Variants in SLC12A5 observed in about 807,000 individuals in gnomAD.
The protein encoded by SLC12A5 is solute carrier family 12 member 5.
SLC12A5 carries 18 observed loss-of-function variants against 124.0 expected under a neutral mutation model. The observed-to-expected ratio is 0.15, with a 90% confidence interval of 0.10 to 0.22. The LOEUF (loss-of-function observed/expected upper bound fraction) is 0.22. SLC12A5 is among the 10% of genes least tolerant of loss of function. The pLI, the probability that SLC12A5 is intolerant of heterozygous loss-of-function variation, is 1.00. For missense variants in SLC12A5, 867 were observed against 1,478.7 expected (o/e 0.59, Z 6.78); for synonymous variants, 589 against 568.0 (o/e 1.04, Z -0.53).
chr20:46,047,210 T>C (rs1300490381), intron 14 of SLC12A5, among the ~76,000 whole-genome samples: 2 of 151,984 alleles, frequency 1.3e-5, no homozygotes, highest in Non-Finnish European at 1.5e-5. Context: ...AGGGACAGGG[T>C]GGTGTGGGGT....
intron 20 of SLC12A5, 71 bp from the exon 21 acceptor site, chr20:46,054,844 TG>T: frequency 9.0e-7 from 1 of 1,113,650 alleles, no homozygotes; most frequent in Non-Finnish European, 1.4e-6. Flanking sequence ...GCCTTTCACC[TG>T]GGCTCAGACC....
At position 46,057,772 on chromosome 20, in the gene SLC12A5, G is replaced by A; in HGVS notation, c.*167G>A. The A allele has an allele frequency of 1.7e-6, 1 of 589,462 alleles. No homozygotes were observed. The highest frequency in any genetic ancestry group is 3.1e-5 in the East Asian group (1 of 32,558). The allele number at this position is 589,462 out of a possible 1,614,324, so 36.5% of individuals were successfully genotyped here. A position where few individuals can be genotyped will look rare whatever the true frequency, so the allele number is the denominator to read the frequency against. The stretch of plus-strand genomic sequence containing the variant: ...GGCCACGCCTGTTGGGGCTGATTCG[G>A]AGAGGGCGCCCCGCCGCGCAGAGAC... On this transcript the variant is annotated 3_prime_UTR_variant, in exon 26 of 26. Coordinates refer to ENST00000243964, the MANE Select transcript of SLC12A5 (RefSeq NM_020708.5). This position sits in a 1 kb window ranked among gnomAD's most constrained non-coding sequence, Gnocchi z 7.1.
chr20:46,046,008 A>T lies in SLC12A5; in HGVS notation c.1688+12A>T. On this transcript the variant is annotated intron_variant, in intron 13 of 25. Coordinates refer to ENST00000243964, the MANE Select transcript of SLC12A5 (RefSeq NM_020708.5). Reference sequence around the variant, plus strand: ...CCCATCCTCTCTATGTGCGTGCCTGACTTCTTGCCCTCCCCCCTGGTTCAG... The same window carrying T: ...CCCATCCTCTCTATGTGCGTGCCTGTCTTCTTGCCCTCCCCCCTGGTTCAG... 1 of 1,609,402 alleles carries T rather than the reference A, an allele frequency of 6.2e-7. No individual in the cohort carries two copies. Among genetic ancestry groups the T allele is most frequent in the Non-Finnish European group, 8.5e-7 (1 of 1,175,938 alleles).
chr20:46,031,892 A>T (rs1703746709), intron 1 of SLC12A5, among the ~76,000 whole-genome samples: 1 of 152,126 alleles, frequency 6.6e-6, no homozygotes, highest in Non-Finnish European at 1.5e-5. Context: ...AATCAGGGCG[A>T]GTTTCCCCTT....
upstream of SLC12A5, among the ~76,000 whole-genome samples, chr20:46,027,176 C>T (rs1377637856): frequency 6.6e-6 from 1 of 152,174 alleles, no homozygotes; most frequent in Admixed American, 6.5e-5. Context: ...TTCTTTTAAC[C>T]TCTGTCACCA....
chr20:46,023,669 T>C (rs930754062), downstream of SLC12A5: 3 of 387,954 alleles, frequency 7.7e-6, no homozygotes, highest in South Asian at 4.3e-4. Context: ...CTCCTATTCG[T>C]TCTGTAAGTT....
Position 46,031,795 on chromosome 20 carries a change from G to A in SLC12A5, c.52+2399G>A, listed in dbSNP as rs75053191. On this transcript the variant is annotated intron_variant, in intron 1 of 25. Coordinates refer to ENST00000243964, the MANE Select transcript of SLC12A5 (RefSeq NM_020708.5). ...TGAGAGCTCCCAGGGGGCGGGGGCG[G>A]GGAGGGCTCAGCCTCAGTCTGGCCC... Among the ~76,000 whole-genome samples the A allele has an allele frequency of 6.9e-3, 1,050 of 152,288 alleles. 7 individuals carry two copies. The highest frequency in any genetic ancestry group is 0.01 in the Non-Finnish European group (705 of 68,002).
intron 18 of SLC12A5, 88 bp from the exon 19 acceptor site, chr20:46,052,869 C>A (rs2084657776): frequency 7.0e-7 from 1 of 1,433,402 alleles, no homozygotes; most frequent in African/African-American, 1.4e-5. Flanking sequence ...GGAGTGCTGG[C>A]TGCCAGGAGC....
In SLC12A5 at chr20:46,053,707, A is replaced by T. The variant is rs773469879; in HGVS notation, c.2677A>T (p.Met893Leu). 1 of 1,588,166 alleles carries T rather than the reference A, an allele frequency of 6.3e-7. No individual in the cohort carries two copies. Among genetic ancestry groups the T allele is most frequent in the Non-Finnish European group, 8.6e-7 (1 of 1,163,772 alleles). ...RITAEVEVVE[M>L]HESDISAYTY... ...CACTGCGGAGGTCGAGGTGGTGGAG[A>T]TGGTGAGTCCCCAGGAGACACCGCT... Residue 893 changes from methionine (M) to leucine (L), a missense_variant and splice_region_variant, in exon 20 of 26, where the codon ATG (methionine) becomes TTG (leucine). Coordinates refer to ENST00000243964, the MANE Select transcript of SLC12A5 (RefSeq NM_020708.5). This position sits in a 1 kb window ranked among gnomAD's most constrained non-coding sequence, Gnocchi z 4.7.
chr20:46,044,373 C>T (rs1279430892), intron 11 of SLC12A5, among the ~76,000 whole-genome samples: 1 of 152,066 alleles, frequency 6.6e-6, no homozygotes, highest in Non-Finnish European at 1.5e-5. Flanking sequence ...TAGGGGTGGC[C>T]ATACAGGAAA....
chr20:46,029,404 G>C lies in SLC12A5; in HGVS notation c.52+8G>C. 3.9e-6 allele frequency: 6 copies of C among 1,549,012 alleles called. No individual in the cohort carries two copies. The highest frequency in any genetic ancestry group is 2.5e-5 in the East Asian group (1 of 40,734). On this transcript the variant is annotated splice_region_variant and intron_variant, in intron 1 of 25. Transcript: ENST00000243964. ...ATGGGGGAGCCAACCCGGGTAAGCTGTGGTCCGGGGGCGGCGGGGGAGGGG... is the reference window on the plus strand; with the variant it reads ...ATGGGGGAGCCAACCCGGGTAAGCTCTGGTCCGGGGGCGGCGGGGGAGGGG...
rs1436442040 is a variant in SLC12A5, at chr20:46,046,395, G to A, written c.1746G>A (p.Leu582=). Residue 582 remains leucine, a synonymous_variant, in exon 14 of 26, where the codon CTG becomes CTA. Transcript: ENST00000243964. ...VNLACAVQTL[L]RTPNWRPRFR... is the part of the protein sequence containing the mutation. Reference sequence around the variant, plus strand: ...TGGCCTGTGCAGTGCAGACGCTGCTGAGGACACCCAACTGGAGGCCACGCT... The same window carrying A: ...TGGCCTGTGCAGTGCAGACGCTGCTAAGGACACCCAACTGGAGGCCACGCT... 1 of 1,614,194 alleles carries A rather than the reference G, an allele frequency of 6.2e-7. No individual in the cohort carries two copies.
At position 46,052,939 on chromosome 20, in the gene SLC12A5, C is replaced by A. The variant is rs199747973; in HGVS notation, c.2378-18C>A. On this transcript the variant is annotated intron_variant, in intron 18 of 25. Coordinates refer to ENST00000243964, the MANE Select transcript of SLC12A5 (RefSeq NM_020708.5). ...AGTCACTGTTTCCCCCTCTGGCCCTCTCCTTGGCCTCCCTCAGAGCTGGTC... is the reference window on the plus strand; with the variant it reads ...AGTCACTGTTTCCCCCTCTGGCCCTATCCTTGGCCTCCCTCAGAGCTGGTC... 6.1e-5 allele frequency: 98 copies of A among 1,597,832 alleles called. 1 individual carries two copies. In the African/African-American group the frequency reaches 1.2e-3, roughly 20 times the overall value.
chr20:46,039,523 C>T (rs901554228), intron 6 of SLC12A5, among the ~76,000 whole-genome samples: 4 of 152,090 alleles, frequency 2.6e-5, no homozygotes, highest in Admixed American at 6.5e-5. Flanking sequence ...GCCTGTAATC[C>T]CAGAACTTTG....
exon 2 of SLC12A5, chr20:46,023,023 G>A: frequency 2.5e-6 from 1 of 404,152 alleles, no homozygotes; most frequent in Non-Finnish European, 4.3e-6. Flanking sequence ...GGAGGAGAAG[G>A]AGGAGGAGAA....
At position 46,053,048 on chromosome 20, in the gene SLC12A5, G is replaced by A. The variant is rs1165544278; in HGVS notation, c.2469G>A (p.Glu823=). 1 of 1,614,200 alleles carries A rather than the reference G, an allele frequency of 6.2e-7. No individual in the cohort carries two copies. Among genetic ancestry groups the A allele is most frequent in the East Asian group, 2.2e-5 (1 of 44,872 alleles). The part of the protein sequence containing the change: ...MFPGNPERFS[E]GSIDVWWIVH... The stretch of plus-strand genomic sequence containing the variant: ...CTGGGAACCCTGAGCGCTTCTCTGA[G>A]GGCAGCATCGACGTTTGGTGGATTG... Residue 823 remains glutamate, a synonymous_variant, in exon 19 of 26, where the codon GAG becomes GAA. Coordinates refer to ENST00000243964, the MANE Select transcript of SLC12A5 (RefSeq NM_020708.5). This position sits in a 1 kb window ranked among gnomAD's most constrained non-coding sequence, Gnocchi z 4.7.
In SLC12A5 at chr20:46,052,965, C is replaced by T. The variant is rs773936706; in HGVS notation, c.2386C>T (p.Arg796Trp). The T allele has an allele frequency of 5.6e-6, 9 of 1,610,644 alleles. No individual in the cohort carries two copies. The highest frequency in any genetic ancestry group is 2.2e-5 in the East Asian group (1 of 44,744). Residue 796 changes from arginine (R) to tryptophan (W), a missense_variant, in exon 19 of 26, where the codon CGG becomes TGG. Arg to Trp is a moderately radical substitution (Grantham distance 101). Coordinates refer to ENST00000243964, the MANE Select transcript of SLC12A5 (RefSeq NM_020708.5). ...QTWRNFIELV[R>W]ETTAGHLALL... ...TCCTTGGCCTCCCTCAGAGCTGGTC[C>T]GGGAAACCACAGCTGGCCACTTAGC...
chr20:46,036,144 A>G, intron 4 of SLC12A5: 2 of 495,708 alleles, frequency 4.0e-6, no homozygotes, highest in East Asian at 3.1e-5. Context: ...TCTGTGTGTA[A>G]TTACACAAGT....
At chr20:46,033,355 T>A (rs563408944) in intron 1 of SLC12A5, among the ~76,000 whole-genome samples, 6 of 152,186 alleles carry the variant, frequency 3.9e-5, no homozygotes, top group African/African-American at 1.4e-4. Flanking sequence ...TGTCAACTGC[T>A]GGAATTCAGC....
Sources: allele counts gnomAD v4.1 joint callset (sites outside exome capture counted in the v4.1 genomes callset), GRCh38; gene constraint gnomAD v4.1.1; non-coding constraint Gnocchi (gnomAD v3.1); transcripts MANE v1.5; gene names NCBI Gene and HGNC (gene_info 2026-07-23, HGNC 2026-07-21).